The following AKAP8L variants were observed in gnomAD, a reference collection of about 807,000 sequenced individuals.
AKAP8L encodes the protein A-kinase anchoring protein 8 like, also known as A-kinase anchor protein 8-like.
A neutral mutation model predicts 77.5 loss-of-function variants in AKAP8L; 34 were observed. The observed-to-expected ratio is 0.44, with a 90% CI of 0.33 to 0.58. AKAP8L has a LOEUF of 0.58. Ranked by LOEUF, AKAP8L falls within the 20% of genes least tolerant of loss-of-function variation. The pLI is 0.02. For synonymous variants in AKAP8L, 342 were observed against 340.7 expected (o/e 1.00, Z -0.04); for missense variants, 806 against 887.6 (o/e 0.91, Z 1.17).
chr19:15,397,695 G>A lies in AKAP8L; in HGVS notation c.1299+19C>T. The A allele has an allele frequency of 1.2e-6, 2 of 1,613,998 alleles. No individual in the cohort carries two copies. Among genetic ancestry groups the A allele is most frequent in the South Asian group, 1.1e-5 (1 of 91,084 alleles). ...GGGGTCCAAGAAACTAAGAGCGGCTGTGTTACTCCAAGGCTCACCTGCAGA... is the reference window on the plus strand; with the variant it reads ...GGGGTCCAAGAAACTAAGAGCGGCTATGTTACTCCAAGGCTCACCTGCAGA... On this transcript the variant is annotated intron_variant, in intron 10 of 13. Transcript: ENST00000397410. This position sits in a 1 kb window ranked among gnomAD's most constrained non-coding sequence, Gnocchi z 4.7.
intron 12 of AKAP8L, 150 bp from the exon 13 acceptor site, chr19:15,380,762 AC>A (rs1967394348): frequency 3.1e-6 from 2 of 641,432 alleles, no homozygotes; most frequent in Non-Finnish European, 5.5e-6. Flanking sequence ...CAAGCATGGA[AC>A]CACAACCTAT....
chr19:15,400,396 T>C, intron 7 of AKAP8L, 38 bp from the exon 8 acceptor site: 2 of 1,119,290 alleles, frequency 1.8e-6, no homozygotes, highest in Admixed American at 2.7e-5. Flanking sequence ...ACAGGTGCCT[T>C]TTTTTTTTTT....
intron 12 of AKAP8L, among the ~76,000 whole-genome samples, chr19:15,391,243 G>A (rs956413702): frequency 1.3e-5 from 2 of 151,866 alleles, no homozygotes; most frequent in African/African-American, 4.8e-5. Context: ...GGTGGATCAT[G>A]AGCAGGAGAT....
chr19:15,410,933 C>T (rs1336081426), intron 1 of AKAP8L, among the ~76,000 whole-genome samples: 1 of 152,210 alleles, frequency 6.6e-6, no homozygotes, highest in African/African-American at 2.4e-5. Context: ...CTGCCTCAGC[C>T]TCCCAAGTAG....
At chr19:15,389,535 G>A (rs1246027431) in intron 12 of AKAP8L, among the ~76,000 whole-genome samples, 1 of 152,204 alleles carries the variant, frequency 6.6e-6, no homozygotes, top group African/African-American at 2.4e-5. Context: ...CACTTTGGGA[G>A]GCCGAGGCGG....
At chr19:15,405,326 G>C (rs964353261) in intron 2 of AKAP8L, among the ~76,000 whole-genome samples, 5 of 152,186 alleles carry the variant, frequency 3.3e-5, no homozygotes, top group African/African-American at 1.2e-4. Context: ...CTGAGGTCAG[G>C]AGTTTGAAAC....
intron 12 of AKAP8L, among the ~76,000 whole-genome samples, chr19:15,386,677 G>C (rs1967544569): frequency 1.3e-5 from 2 of 152,042 alleles, no homozygotes; most frequent in Admixed American, 1.3e-4. Context: ...ATTTTTCTGA[G>C]TTGGAGTTTC....
chr19:15,392,490 C>G (rs1055425864), intron 12 of AKAP8L, among the ~76,000 whole-genome samples: 1 of 151,260 alleles, frequency 6.6e-6, no homozygotes, highest in African/African-American at 2.4e-5. Context: ...GAGTGAGACC[C>G]TATTTCAAGA....
chr19:15,386,661 G>A (rs1024661152), intron 12 of AKAP8L, among the ~76,000 whole-genome samples: 2 of 152,018 alleles, frequency 1.3e-5, no homozygotes, highest in East Asian at 1.9e-4. Context: ...CAGAATGTCA[G>A]CATCTATTTT....
intron 2 of AKAP8L, among the ~76,000 whole-genome samples, chr19:15,409,749 G>T (rs1968072241): frequency 6.6e-6 from 1 of 152,150 alleles, no homozygotes; most frequent in South Asian, 2.1e-4. Context: ...TAGCTAATTA[G>T]GTGTTTCTGT....
rs765700601 is a variant in AKAP8L at position 15,380,615 on chromosome 19, G to C, written c.1537-3C>G. ...TTCTTGGACTGCTCCATCATGAGCTGCGGGCAGGGCAGAAGGAGCTGGAGA... is the reference window on the plus strand; with the variant it reads ...TTCTTGGACTGCTCCATCATGAGCTCCGGGCAGGGCAGAAGGAGCTGGAGA... On this transcript the variant is annotated splice_region_variant and splice_polypyrimidine_tract_variant and intron_variant, in intron 12 of 13. Transcript: ENST00000397410. 6.2e-7 allele frequency: 1 copy of C among 1,613,160 alleles called. No homozygotes were observed. Among genetic ancestry groups the C allele is most frequent in the Non-Finnish European group, 8.5e-7 (1 of 1,179,788 alleles).
Position 15,401,281 on chromosome 19 carries a change from C to G in AKAP8L, c.685G>C (p.Glu229Gln). 6.2e-7 allele frequency: 1 copy of G among 1,613,762 alleles called. No homozygotes were observed. The highest frequency in any genetic ancestry group is 8.5e-7 in the Non-Finnish European group (1 of 1,179,888). Residue 229 changes from glutamate (E) to glutamine (Q), a missense_variant, in exon 5 of 14, where the codon GAG (glutamate) becomes CAG (glutamine). This residue lies in a region of AKAP8L where 580 missense variants were observed against 694.1 expected (regional missense o/e 0.84). Coordinates refer to ENST00000397410, the MANE Select transcript of AKAP8L (RefSeq NM_014371.4). The surrounding 1 kb of genome is among the most constrained non-coding windows in gnomAD (Gnocchi z 6.2). The stretch of plus-strand genomic sequence containing the variant: ...CGCATGCCCTGGAACATGCCGTACT[C>G]GGGGATGATGTTCTGGGAGAAGAGG... ...PSLFSQNIIPEYGMFQGMRGG... is the reference protein window; with the variant it reads ...PSLFSQNIIPQYGMFQGMRGG...
At chr19:15,392,598 T>C (rs1379647378) in intron 12 of AKAP8L, among the ~76,000 whole-genome samples, 1 of 151,326 alleles carries the variant, frequency 6.6e-6, no homozygotes, top group Non-Finnish European at 1.5e-5. Flanking sequence ...ATAAAATACT[T>C]ATAAATAATC....
chr19:15,418,482 G>C (rs1387445066), intron 1 of AKAP8L, among the ~76,000 whole-genome samples: 3 of 151,228 alleles, frequency 2.0e-5, no homozygotes, highest in African/African-American at 4.9e-5. Context: ...TAGAGCTGCG[G>C]CGTTTTTGCA....
chr19:15,397,943 A>T lies in AKAP8L; in HGVS notation c.1158-88T>A. 2 of 1,513,944 alleles carry T rather than the reference A, an allele frequency of 1.3e-6. No homozygotes were observed. The highest frequency in any genetic ancestry group is 1.8e-6 in the Non-Finnish European group (2 of 1,118,486). 93.8% of individuals were successfully genotyped at this position (1,513,944 alleles called of 1,614,324 possible). ...TCACCCAACCCAGACACAAGCCCTG[A>T]AACAGGCCTTGCTCACGGGCCTCTG... On this transcript the variant is annotated intron_variant, in intron 9 of 13. Transcript: ENST00000397410. The surrounding 1 kb of genome is among the most constrained non-coding windows in gnomAD (Gnocchi z 4.7).
intron 12 of AKAP8L, chr19:15,383,590 A>G (rs978565149): frequency 2.0e-5 from 3 of 152,222 alleles, no homozygotes; most frequent in Admixed American, 6.5e-5. Flanking sequence ...CAAATTACTA[A>G]GTCTGAAATA....
chr19:15,389,342 G>A (rs925334530), intron 12 of AKAP8L, among the ~76,000 whole-genome samples: 2 of 152,026 alleles, frequency 1.3e-5, no homozygotes, highest in East Asian at 3.9e-4. Flanking sequence ...AGACAACCAT[G>A]GCACACTATT....
chr19:15,385,644 G>A (rs182901174), intron 12 of AKAP8L, among the ~76,000 whole-genome samples: 2 of 151,782 alleles, frequency 1.3e-5, no homozygotes, highest in East Asian at 1.9e-4. Flanking sequence ...CTGTTGCCCC[G>A]GCTGGAATGC....
At position 15,397,690 on chromosome 19, in the gene AKAP8L, C is replaced by T. The variant is rs764115427; in HGVS notation, c.1299+24G>A. ...TCTCAGGGGTCCAAGAAACTAAGAG[C>T]GGCTGTGTTACTCCAAGGCTCACCT... On this transcript the variant is annotated intron_variant, in intron 10 of 13. Transcript: ENST00000397410. The surrounding 1 kb of genome is among the most constrained non-coding windows in gnomAD (Gnocchi z 4.7). 17 of 1,613,804 alleles carry T rather than the reference C, an allele frequency of 1.1e-5. No individual in the cohort carries two copies. Among genetic ancestry groups the T allele is most frequent in the East Asian group, 8.9e-5 (4 of 44,900 alleles).
Sources: allele counts gnomAD v4.1 joint callset (sites outside exome capture counted in the v4.1 genomes callset), GRCh38; gene constraint gnomAD v4.1.1; regional missense constraint gnomAD v4.1.1; non-coding constraint Gnocchi (gnomAD v3.1); transcripts MANE v1.5; gene names NCBI Gene and HGNC (gene_info 2026-07-23, HGNC 2026-07-21).